The following TOM1L2 variants were observed in gnomAD, a reference collection of about 807,000 sequenced individuals.
The protein encoded by TOM1L2 is target of myb1 like 2 membrane trafficking protein, also known as TOM1-like protein 2.
Under a neutral mutation model 67.9 loss-of-function variants are expected in TOM1L2, and 31 were observed. That is an observed-to-expected ratio of 0.46 (90% CI 0.34 to 0.62). The LOEUF is 0.62. Among genes scored for constraint, TOM1L2 ranks in the 20% least tolerant of loss-of-function variants. The pLI is 0.01. For synonymous variants in TOM1L2, 256 were observed against 254.0 expected (o/e 1.01, Z -0.07); for missense variants, 606 against 663.5 (o/e 0.91, Z 0.95).
intron 7 of TOM1L2, among the ~76,000 whole-genome samples, chr17:17,876,483 T>A (rs115603986): frequency 0.013 from 2,041 of 152,278 alleles, 45 homozygotes; most frequent in African/African-American, 0.046. Context: ...TCTACCCATG[T>A]GAAAGAGGAA....
chr17:17,890,155 G>C (rs1168024948), intron 4 of TOM1L2, among the ~76,000 whole-genome samples: 1 of 152,006 alleles, frequency 6.6e-6, no homozygotes, highest in Admixed American at 6.6e-5. Flanking sequence ...TTTCTCAAAG[G>C]GGCTAAAAAA....
intron 12 of TOM1L2, chr17:17,859,976 G>T (rs1343928396): frequency 6.6e-6 from 1 of 152,394 alleles, no homozygotes; most frequent in African/African-American, 2.4e-5. Context: ...CACACAAAGG[G>T]TGAAGGGCGG....
chr17:17,888,320 C>G (rs1478437296), intron 4 of TOM1L2, among the ~76,000 whole-genome samples: 2 of 152,194 alleles, frequency 1.3e-5, no homozygotes, highest in Non-Finnish European at 2.9e-5. Flanking sequence ...TTCCTTTGGA[C>G]CGTATACAAA....
intron 1 of TOM1L2, among the ~76,000 whole-genome samples, chr17:17,932,545 T>A (rs1438264495): frequency 6.6e-6 from 1 of 152,190 alleles, no homozygotes; most frequent in Non-Finnish European, 1.5e-5. Context: ...AACAGTTGAA[T>A]CTTCTATTTT....
intron 1 of TOM1L2, among the ~76,000 whole-genome samples, chr17:17,933,757 T>C (rs1360999504): frequency 6.6e-6 from 1 of 152,218 alleles, no homozygotes; most frequent in Non-Finnish European, 1.5e-5. Context: ...ACCCACTCGT[T>C]TGTTACAACC....
At chr17:17,967,734 A>C (rs1262633559) in intron 1 of TOM1L2, among the ~76,000 whole-genome samples, 1 of 152,082 alleles carries the variant, frequency 6.6e-6, no homozygotes, top group Non-Finnish European at 1.5e-5. Flanking sequence ...CAGCCTCCCG[A>C]GTAGCTGGGA....
intron 1 of TOM1L2, among the ~76,000 whole-genome samples, chr17:17,927,897 A>G (rs553117396): frequency 1.5e-4 from 23 of 152,300 alleles, no homozygotes; most frequent in African/African-American, 5.5e-4. Context: ...TGTTGGGATT[A>G]CAGGCATGAA....
At chr17:17,931,563 C>T (rs1456497736) in intron 1 of TOM1L2, among the ~76,000 whole-genome samples, 1 of 152,094 alleles carries the variant, frequency 6.6e-6, no homozygotes, top group Non-Finnish European at 1.5e-5. Flanking sequence ...GTCTTCTCTC[C>T]CCCTCCCCCG....
intron 1 of TOM1L2, among the ~76,000 whole-genome samples, chr17:17,961,115 A>G (rs1191710440): frequency 6.6e-6 from 1 of 152,238 alleles, no homozygotes; most frequent in African/African-American, 2.4e-5. Context: ...AACTAGGCAC[A>G]GGACTTGAAC....
intron 2 of TOM1L2, among the ~76,000 whole-genome samples, chr17:17,907,028 C>CT (rs745829131): frequency 4.6e-5 from 7 of 152,250 alleles, no homozygotes; most frequent in African/African-American, 7.2e-5. Context: ...GCCCCATGCC[C>CT]TGGACCTCCC....
intron 1 of TOM1L2, among the ~76,000 whole-genome samples, chr17:17,954,028 T>C (rs554713535): frequency 1.4e-4 from 21 of 152,342 alleles, no homozygotes; most frequent in African/African-American, 4.1e-4. Context: ...ATTCAAATAG[T>C]CAGATAATTA....
chr17:17,925,923 C>A (rs1480821605), intron 1 of TOM1L2, among the ~76,000 whole-genome samples: 1 of 151,110 alleles, frequency 6.6e-6, no homozygotes, highest in Non-Finnish European at 1.5e-5. Context: ...ATAATCCCAG[C>A]ACTTTGGAAG....
At chr17:17,955,106 C>T (rs2041374047) in intron 1 of TOM1L2, among the ~76,000 whole-genome samples, 1 of 152,196 alleles carries the variant, frequency 6.6e-6, no homozygotes, top group Non-Finnish European at 1.5e-5. Flanking sequence ...TAGTTAGTCT[C>T]TCATCTGCTG....
intron 4 of TOM1L2, among the ~76,000 whole-genome samples, chr17:17,887,505 G>C (rs188779427): frequency 6.6e-6 from 1 of 152,302 alleles, no homozygotes; most frequent in Non-Finnish European, 1.5e-5. Context: ...GCATGGGTCA[G>C]AGCTGTCCCC....
intron 1 of TOM1L2, among the ~76,000 whole-genome samples, chr17:17,923,500 A>G (rs1381751193): frequency 6.6e-6 from 1 of 151,768 alleles, no homozygotes; most frequent in African/African-American, 2.4e-5. Context: ...CCTGGGCAAC[A>G]TAGGGAGACC....
At chr17:17,961,482 G>A (rs114459022) in intron 1 of TOM1L2, among the ~76,000 whole-genome samples, 44 of 152,220 alleles carry the variant, frequency 2.9e-4, no homozygotes, top group Middle Eastern at 3.4e-3. Flanking sequence ...GACTAAGGCA[G>A]GAGGATTGCT....
chr17:17,851,259 T>G, intron 12 of TOM1L2: 1 of 404,224 alleles, frequency 2.5e-6, no homozygotes, highest in South Asian at 2.2e-5. Flanking sequence ...CACTCTCACA[T>G]TGCGGGGCCT....
chr17:17,947,005 G>C (rs541670727), intron 1 of TOM1L2, among the ~76,000 whole-genome samples: 1 of 150,844 alleles, frequency 6.6e-6, no homozygotes, highest in Non-Finnish European at 1.5e-5. Context: ...GATTACAGGC[G>C]TACGCCACCG....
chr17:17,945,936 A>T (rs1455316762), intron 1 of TOM1L2, among the ~76,000 whole-genome samples: 1 of 152,072 alleles, frequency 6.6e-6, no homozygotes, highest in Admixed American at 6.5e-5. Flanking sequence ...TGGCACAATC[A>T]TGGCTCACTG....
Sources: allele counts gnomAD v4.1 joint callset (sites outside exome capture counted in the v4.1 genomes callset), GRCh38; gene constraint gnomAD v4.1.1; transcripts MANE v1.5; gene names NCBI Gene and HGNC (gene_info 2026-07-23, HGNC 2026-07-21).